Variants in ASH1L observed in about 807,000 individuals in gnomAD.
ASH1L encodes ASH1 like histone lysine methyltransferase.
ASH1L carries 23 observed loss-of-function variants against 269.0 expected under a neutral mutation model. The observed-to-expected ratio is 0.09, with a 90% CI of 0.06 to 0.12. The LOEUF (loss-of-function observed/expected upper bound fraction) is 0.12. Among genes scored for constraint, ASH1L ranks in the 10% least tolerant of loss-of-function variants. The pLI, the probability that ASH1L is intolerant of heterozygous loss-of-function variation, is 1.00. For missense variants in ASH1L, 2,912 were observed against 3,567.8 expected (o/e 0.82, Z 4.68); for synonymous variants, 1,187 against 1,253.5 (o/e 0.95, Z 1.12).
intron 2 of ASH1L, among the ~76,000 whole-genome samples, chr1:155,490,260 G>A (rs972069632): frequency 6.6e-6 from 1 of 151,518 alleles, no homozygotes; most frequent in African/African-American, 2.4e-5. Flanking sequence ...CACCATGCCC[G>A]GCCAAAAAAG....
intron 3 of ASH1L, among the ~76,000 whole-genome samples, chr1:155,475,611 G>T (rs1665480384): frequency 6.6e-6 from 1 of 151,964 alleles, no homozygotes; most frequent in Non-Finnish European, 1.5e-5. Context: ...TCACTCTATG[G>T]TTTGTCTTCC....
At chr1:155,535,252 C>T (rs1346267164) in intron 1 of ASH1L, among the ~76,000 whole-genome samples, 1 of 141,364 alleles carries the variant, frequency 7.1e-6, no homozygotes, top group African/African-American at 2.6e-5. Context: ...TTTTTTAAGA[C>T]TGGGTTTTGC....
chr1:155,438,228 T>A, intron 5 of ASH1L, 99 bp downstream of exon 5: 1 of 1,269,174 alleles, frequency 7.9e-7, no homozygotes, highest in Non-Finnish European at 1.1e-6. Flanking sequence ...TAGTAAAAAA[T>A]GAAAGGTTAT....
chr1:155,400,717 C>T (rs1424697894), intron 6 of ASH1L, among the ~76,000 whole-genome samples: 1 of 152,224 alleles, frequency 6.6e-6, no homozygotes, highest in Non-Finnish European at 1.5e-5. Context: ...ACATTTCTCT[C>T]AAAACAATCT....
intron 17 of ASH1L, among the ~76,000 whole-genome samples, chr1:155,351,480 G>C (rs937425474): frequency 6.6e-6 from 1 of 152,040 alleles, no homozygotes; most frequent in Admixed American, 6.6e-5. Flanking sequence ...CTGAACCCTT[G>C]AGGCGGAGGA....
At chr1:155,560,112 T>C (rs1337115112) in intron 1 of ASH1L, among the ~76,000 whole-genome samples, 2 of 152,196 alleles carry the variant, frequency 1.3e-5, no homozygotes, top group Non-Finnish European at 2.9e-5. Flanking sequence ...CTTAAACTCA[T>C]ACTAACATCC....
chr1:155,471,854 TCTTAA>T (rs1318508986), intron 3 of ASH1L, among the ~76,000 whole-genome samples: 7 of 152,234 alleles, frequency 4.6e-5, no homozygotes, highest in Admixed American at 2.0e-4. Flanking sequence ...TGAACTCTGC[TCTTAA>T]CTTGAGGTCT....
chr1:155,403,508 A>G (rs910155672), intron 6 of ASH1L, among the ~76,000 whole-genome samples: 1 of 152,208 alleles, frequency 6.6e-6, no homozygotes, highest in Non-Finnish European at 1.5e-5. Context: ...AGCTTCTTCA[A>G]TAATATTAAT....
chr1:155,476,559 G>GT (rs1312700765), intron 3 of ASH1L, among the ~76,000 whole-genome samples: 77 of 145,184 alleles, frequency 5.3e-4, no homozygotes, highest in South Asian at 1.4e-3. Flanking sequence ...TTTGTTTTTT[G>GT]TTTTTTTTTT....
chr1:155,413,809 T>C (rs945039143), intron 6 of ASH1L, among the ~76,000 whole-genome samples: 2 of 152,080 alleles, frequency 1.3e-5, no homozygotes, highest in African/African-American at 4.8e-5. Flanking sequence ...GGTACCATTA[T>C]GAACTTTGAA....
chr1:155,343,837 C>T lies in ASH1L; in HGVS notation c.7982-95G>A. 7.2e-7 allele frequency: 1 copy of T among 1,393,638 alleles called. No individual in the cohort carries two copies. The highest frequency in any genetic ancestry group is 9.8e-7 in the Non-Finnish European group (1 of 1,015,612). The allele number at this position is 1,393,638 out of a possible 1,614,324, so 86.3% of individuals were successfully genotyped here. On this transcript the variant is annotated intron_variant, in intron 22 of 27. Coordinates refer to ENST00000392403, the MANE Select transcript of ASH1L (RefSeq NM_018489.3). This position sits in a 1 kb window ranked among gnomAD's most constrained non-coding sequence, Gnocchi z 6.1. ...TCTGACTCAGGGTCTACATAGAACT[C>T]ATAATCTGAAACAGTATAAATACAG...
intron 5 of ASH1L, among the ~76,000 whole-genome samples, chr1:155,417,615 G>A (rs1476804953): frequency 6.6e-6 from 1 of 152,142 alleles, no homozygotes; most frequent in African/African-American, 2.4e-5. Context: ...AGCAAGCCCA[G>A]AGGGTAATGT....
rs112938330 is a variant in ASH1L, at chr1:155,339,366, A to G, written c.8463T>C (p.Pro2821=). The part of the protein sequence containing the change: ...KKLTPKKDFS[P]HYVPDNYKRN... ...TCTTGTAGTTGTCTGGGACGTAATG[A>G]GGCTGCAGAGAAGAAAAGGAAGAGG... The change falls in exon 26 of 28, where the codon CCT becomes CCC. Residue 2821 remains proline, a splice_region_variant and synonymous_variant. Transcript: ENST00000392403. 1 of 1,613,654 alleles carries G rather than the reference A, an allele frequency of 6.2e-7. No homozygotes were observed. Among genetic ancestry groups the G allele is most frequent in the Admixed American group, 1.7e-5 (1 of 60,026 alleles).
chr1:155,480,681 G>A lies in ASH1L; in HGVS notation c.2189C>T (p.Ser730Phe). ...TCTTTCTAATTCTAGCCCTTTTGGAGACCGGCATGTGCTTCTTGCCACCAC... is the reference window on the plus strand; with the variant it reads ...TCTTTCTAATTCTAGCCCTTTTGGAAACCGGCATGTGCTTCTTGCCACCAC... ...TKVVARSTCR[S>F]PKGLELERSE... The change falls in exon 3 of 28, where the codon TCT (serine) becomes TTT (phenylalanine). Residue 730 changes from serine to phenylalanine, a missense_variant. Ser to Phe is a radical substitution (Grantham distance 155, BLOSUM62 -2). This residue lies in a region of ASH1L where 715 missense variants were observed against 721.0 expected (regional missense o/e 0.99). Coordinates refer to ENST00000392403, the MANE Select transcript of ASH1L (RefSeq NM_018489.3). The A allele has an allele frequency of 3.7e-6, 6 of 1,613,690 alleles. No individual in the cohort carries two copies. The highest frequency in any genetic ancestry group is 5.1e-6 in the Non-Finnish European group (6 of 1,179,926).
chr1:155,428,189 A>G (rs933889054), intron 5 of ASH1L, among the ~76,000 whole-genome samples: 1 of 152,206 alleles, frequency 6.6e-6, no homozygotes, highest in Non-Finnish European at 1.5e-5. Flanking sequence ...CTGTAATCCC[A>G]GCACTTTGGG....
At chr1:155,556,596 C>T (rs1191699590) in intron 1 of ASH1L, among the ~76,000 whole-genome samples, 3 of 151,954 alleles carry the variant, frequency 2.0e-5, no homozygotes, top group Non-Finnish European at 4.4e-5. Context: ...AGGCACATGC[C>T]ACCTGCGCCT....
chr1:155,430,033 T>A (rs965000790), intron 5 of ASH1L, among the ~76,000 whole-genome samples: 1 of 151,876 alleles, frequency 6.6e-6, no homozygotes, highest in Non-Finnish European at 1.5e-5. Flanking sequence ...TGGAGCGCAC[T>A]GATGCGATCT....
At chr1:155,517,901 C>T (rs1290245427) in intron 2 of ASH1L, among the ~76,000 whole-genome samples, 2 of 142,190 alleles carry the variant, frequency 1.4e-5, no homozygotes, top group Admixed American at 7.2e-5. Flanking sequence ...CCCGGGTTCA[C>T]GCCATTCTCC....
intron 10 of ASH1L, among the ~76,000 whole-genome samples, chr1:155,375,755 G>A (rs1398974634): frequency 6.6e-6 from 1 of 151,652 alleles, no homozygotes; most frequent in East Asian, 1.9e-4. Flanking sequence ...CTGAGATTGT[G>A]CCATTGCACT....
Sources: allele counts gnomAD v4.1 joint callset (sites outside exome capture counted in the v4.1 genomes callset), GRCh38; gene constraint gnomAD v4.1.1; regional missense constraint gnomAD v4.1.1; non-coding constraint Gnocchi (gnomAD v3.1); transcripts MANE v1.5; gene names NCBI Gene and HGNC (gene_info 2026-07-23, HGNC 2026-07-21).